The following XKR6 variants were observed in gnomAD, a reference collection of about 807,000 sequenced individuals.
XKR6 encodes XK-related protein 6.
Under a neutral mutation model 56.7 loss-of-function variants are expected in XKR6, and 22 were observed. The observed-to-expected ratio is 0.39, with a 90% CI of 0.28 to 0.55. The LOEUF (loss-of-function observed/expected upper bound fraction) is 0.55, where lower values mean the gene tolerates loss of function less well. Ranked by LOEUF, XKR6 falls within the 20% of genes least tolerant of loss-of-function variation. The probability of loss-of-function intolerance (pLI) is 0.66; values close to 1 mark genes in which losing one functional copy is unlikely to be tolerated. For synonymous variants in XKR6, 524 were observed against 387.8 expected, an observed-to-expected ratio of 1.35 and a Z score of -4.13; for missense variants, 852 against 889.0, an observed-to-expected ratio of 0.96 and a Z score of 0.53.
At chr8:10,984,191 G>A (rs1441171650) in intron 1 of XKR6, among the ~76,000 whole-genome samples, 2 of 152,132 alleles carry the variant, frequency 1.3e-5, no homozygotes, top group African/African-American at 4.8e-5. Context: ...CATATTAATA[G>A]ATCAAAAGGG....
chr8:10,906,562 C>G (rs1182988330), intron 2 of XKR6, among the ~76,000 whole-genome samples: 1 of 152,200 alleles, frequency 6.6e-6, no homozygotes, highest in Non-Finnish European at 1.5e-5. Flanking sequence ...TGCGGTTTTG[C>G]CATTGTAATG....
At chr8:10,990,513 G>A (rs1175616657) in intron 1 of XKR6, among the ~76,000 whole-genome samples, 1 of 152,214 alleles carries the variant, frequency 6.6e-6, no homozygotes, top group Non-Finnish European at 1.5e-5. Flanking sequence ...CCTGGTGGGA[G>A]CTGTCCATGG....
At chr8:11,160,118 A>C (rs1228974749) in intron 1 of XKR6, among the ~76,000 whole-genome samples, 1 of 152,092 alleles carries the variant, frequency 6.6e-6, no homozygotes, top group Non-Finnish European at 1.5e-5. Flanking sequence ...GTTGTCAAAC[A>C]AACTGACACA....
chr8:10,948,067 G>C (rs543152957), intron 1 of XKR6, among the ~76,000 whole-genome samples: 5 of 152,140 alleles, frequency 3.3e-5, no homozygotes, highest in Non-Finnish European at 7.3e-5. Flanking sequence ...CTCAGAGAAG[G>C]GGACTCAGGA....
intron 1 of XKR6, among the ~76,000 whole-genome samples, chr8:11,178,676 A>AATATATATAT (rs375693953): frequency 7.5e-6 from 1 of 132,930 alleles, no homozygotes; most frequent in Non-Finnish European, 1.5e-5. Flanking sequence ...CACAGAGATA[A>AATATATATAT]ATATATATAT....
At chr8:10,956,768 G>T (rs920700749) in intron 1 of XKR6, among the ~76,000 whole-genome samples, 1 of 152,188 alleles carries the variant, frequency 6.6e-6, no homozygotes, top group African/African-American at 2.4e-5. Flanking sequence ...CTCTGCTGTG[G>T]CCAGTGAGGA....
chr8:11,200,447 C>G lies in XKR6; in HGVS notation c.764+129G>C. The G allele has an allele frequency of 1.7e-6, 2 of 1,206,952 alleles. No homozygotes were observed. The highest frequency in any genetic ancestry group is 4.7e-5 in the South Asian group (2 of 43,008). The allele number at this position is 1,206,952 out of a possible 1,614,324, so 74.8% of individuals were successfully genotyped here. A position where few individuals can be genotyped will look rare whatever the true frequency, so the allele number is the denominator to read the frequency against. ...GCCGGTCTTTTGGAGACGCCAGGGG[C>G]GGCGCGCGGCCGGTCCCTCCTTCGA... On this transcript the variant is annotated intron_variant, in intron 1 of 2. Coordinates refer to ENST00000416569, the MANE Select transcript of XKR6 (RefSeq NM_173683.4). This position sits in a 1 kb window ranked among gnomAD's most constrained non-coding sequence, Gnocchi z 6.4.
intron 1 of XKR6, among the ~76,000 whole-genome samples, chr8:11,074,636 C>T (rs971089144): frequency 6.6e-6 from 1 of 152,172 alleles, no homozygotes; most frequent in South Asian, 2.1e-4. Context: ...CCAGAGCAAA[C>T]CCAGGCACTG....
intron 1 of XKR6, among the ~76,000 whole-genome samples, chr8:10,937,775 C>A (rs1250267562): frequency 1.3e-4 from 19 of 151,214 alleles, no homozygotes; most frequent in African/African-American, 4.6e-4. Flanking sequence ...TCTCCAGCTG[C>A]GTGCTGGGAG....
chr8:10,921,600 G>A (rs994717844), intron 2 of XKR6, among the ~76,000 whole-genome samples: 1 of 152,164 alleles, frequency 6.6e-6, no homozygotes, highest in African/African-American at 2.4e-5. Flanking sequence ...AAGAGAAAAC[G>A]GGATTGTGAA....
rs142109502 is a variant in XKR6 at position 10,898,144 on chromosome 8, G to A, written c.1734C>T (p.Tyr578=). 3.9e-3 allele frequency: 6,267 copies of A among 1,614,088 alleles called. 19 individuals are homozygous for A. The highest frequency in any genetic ancestry group is 0.013 in the Middle Eastern group (79 of 6,062). Residue 578 remains tyrosine, a synonymous_variant, in exon 3 of 3, where the codon TAC becomes TAT. Coordinates refer to ENST00000416569, the MANE Select transcript of XKR6 (RefSeq NM_173683.4). The surrounding 1 kb of genome is among the most constrained non-coding windows in gnomAD (Gnocchi z 6.6). The part of the protein sequence containing the change: ...MGPPTPLGRP[Y]LPEGPLIKID... ...TCTTAATGAGGGGCCCTTCTGGGAG[G>A]TAAGGACGCCCCAACGGGGTAGGGG... is the stretch of plus-strand genomic sequence containing the variant.
intron 1 of XKR6, chr8:11,137,839 G>A: frequency 1.4e-5 from 5 of 361,318 alleles, no homozygotes; most frequent in Non-Finnish European, 2.2e-5. Flanking sequence ...CTTCAATTAA[G>A]GCAAATGAGG....
intron 1 of XKR6, among the ~76,000 whole-genome samples, chr8:11,039,155 C>G (rs970943691): frequency 6.6e-6 from 1 of 152,156 alleles, no homozygotes; most frequent in Non-Finnish European, 1.5e-5. Flanking sequence ...AAGCACACGC[C>G]GCCCCACTCA....
At chr8:11,131,248 G>T (rs1171297472) in intron 1 of XKR6, among the ~76,000 whole-genome samples, 1 of 152,076 alleles carries the variant, frequency 6.6e-6, no homozygotes, top group Non-Finnish European at 1.5e-5. Flanking sequence ...TTACACAGAT[G>T]ATTCAACTGT....
intron 1 of XKR6, among the ~76,000 whole-genome samples, chr8:10,954,866 C>CTCTTTTTTTTTTTTTTTTTTTTTTT (rs1563309729): frequency 8.6e-5 from 8 of 92,794 alleles, no homozygotes; most frequent in Non-Finnish European, 1.5e-4. Flanking sequence ...ACTTCATTCT[C>CTCTTTTTTTTTTTTTTTTTTTTTTT]TTTTTTTTTT....
chr8:11,190,680 GC>G (rs1803526346), intron 1 of XKR6, among the ~76,000 whole-genome samples: 1 of 152,124 alleles, frequency 6.6e-6, no homozygotes, highest in Admixed American at 6.6e-5. Context: ...ATACCAAGAG[GC>G]CCCAGAGGTT....
intron 1 of XKR6, among the ~76,000 whole-genome samples, chr8:10,958,709 C>T (rs1394072043): frequency 6.6e-6 from 1 of 152,238 alleles, no homozygotes; most frequent in Non-Finnish European, 1.5e-5. Context: ...TTTTTGCCTG[C>T]AGTTTCTCAA....
At chr8:11,155,813 A>G (rs1039862758) in intron 1 of XKR6, among the ~76,000 whole-genome samples, 1 of 152,200 alleles carries the variant, frequency 6.6e-6, no homozygotes, top group Non-Finnish European at 1.5e-5. Flanking sequence ...AAATGCAAAC[A>G]TGATCTTCTG....
intron 2 of XKR6, among the ~76,000 whole-genome samples, chr8:10,912,031 T>C (rs1450599266): frequency 6.7e-6 from 1 of 148,576 alleles, no homozygotes; most frequent in Admixed American, 6.8e-5. Flanking sequence ...AGAGGGTGAG[T>C]ATATATACAC....
Sources: allele counts gnomAD v4.1 joint callset (sites outside exome capture counted in the v4.1 genomes callset), GRCh38; gene constraint gnomAD v4.1.1; non-coding constraint Gnocchi (gnomAD v3.1); transcripts MANE v1.5; gene names NCBI Gene and HGNC (gene_info 2026-07-23, HGNC 2026-07-21).